The following ZBTB7C variants were observed in gnomAD, a reference collection of about 807,000 sequenced individuals.
ZBTB7C encodes the protein zinc finger and BTB domain containing 7C.
ZBTB7C carries 8 observed loss-of-function variants against 25.7 expected under a neutral mutation model. That is an observed-to-expected ratio of 0.31 (90% CI 0.18 to 0.56). The LOEUF (loss-of-function observed/expected upper bound fraction) is 0.56, where lower values mean the gene tolerates loss of function less well. ZBTB7C is among the 20% of genes least tolerant of loss of function. The pLI is 0.91. For synonymous variants in ZBTB7C, 394 were observed against 369.0 expected, an observed-to-expected ratio of 1.07 and a Z score of -0.78; for missense variants, 824 against 855.2, an observed-to-expected ratio of 0.96 and a Z score of 0.46.
At chr18:48,115,336 C>A (rs929621162) in intron 3 of ZBTB7C, among the ~76,000 whole-genome samples, 1 of 152,186 alleles carries the variant, frequency 6.6e-6, no homozygotes, top group Admixed American at 6.5e-5. Context: ...GCAGGCTCCG[C>A]CTCCTGGGTT....
At chr18:48,294,078 T>C (rs992082130) in intron 2 of ZBTB7C, among the ~76,000 whole-genome samples, 2 of 152,230 alleles carry the variant, frequency 1.3e-5, no homozygotes, top group Non-Finnish European at 2.9e-5. Context: ...TTTACCTCCC[T>C]GGGGAAGGGC....
intron 1 of ZBTB7C, among the ~76,000 whole-genome samples, chr18:48,344,651 T>A (rs1035023907): frequency 1.3e-5 from 2 of 152,232 alleles, no homozygotes; most frequent in African/African-American, 4.8e-5. Flanking sequence ...GAACGCTTTA[T>A]GAAATTATGA....
chr18:48,359,660 C>T (rs112621132), intron 1 of ZBTB7C, among the ~76,000 whole-genome samples: 2 of 152,158 alleles, frequency 1.3e-5, no homozygotes, highest in African/African-American at 2.4e-5. Context: ...GTTAGTTCTG[C>T]GATGTCACTT....
At chr18:48,050,681 C>G (rs1418448349) in intron 3 of ZBTB7C, among the ~76,000 whole-genome samples, 3 of 152,180 alleles carry the variant, frequency 2.0e-5, no homozygotes, top group African/African-American at 7.2e-5. Flanking sequence ...CAAGCAAGGG[C>G]CCAGAAGAGG....
intron 3 of ZBTB7C, among the ~76,000 whole-genome samples, chr18:48,078,440 C>A (rs904173196): frequency 6.6e-6 from 1 of 152,178 alleles, no homozygotes; most frequent in African/African-American, 2.4e-5. Context: ...GCAGGGTACC[C>A]TCAACCTTGG....
chr18:48,384,616 C>A (rs1489166), intron 1 of ZBTB7C, among the ~76,000 whole-genome samples: 1 of 152,068 alleles, frequency 6.6e-6, no homozygotes, highest in South Asian at 2.1e-4. Context: ...TTTCTTAAAA[C>A]GTGATTTTAT....
At chr18:48,325,594 T>C (rs2046199330) in intron 2 of ZBTB7C, among the ~76,000 whole-genome samples, 1 of 152,320 alleles carries the variant, frequency 6.6e-6, no homozygotes. Context: ...TGATTTCACA[T>C]TGAAGAAAGT....
intron 1 of ZBTB7C, among the ~76,000 whole-genome samples, chr18:48,393,771 C>T (rs1046725146): frequency 1.3e-5 from 2 of 152,078 alleles, no homozygotes; most frequent in Non-Finnish European, 2.9e-5. Context: ...AATCATCAAC[C>T]TCAGGCACCA....
chr18:48,073,044 A>G (rs1488374164), intron 3 of ZBTB7C, among the ~76,000 whole-genome samples: 1 of 152,202 alleles, frequency 6.6e-6, no homozygotes, highest in African/African-American at 2.4e-5. Context: ...GGGCGGAGGA[A>G]CTTCCTGACA....
chr18:48,374,889 C>G (rs929750505), intron 1 of ZBTB7C, among the ~76,000 whole-genome samples: 1 of 152,254 alleles, frequency 6.6e-6, no homozygotes, highest in African/African-American at 2.4e-5. Flanking sequence ...CCCCGGCAGA[C>G]AGCCGGCAGG....
intron 3 of ZBTB7C, among the ~76,000 whole-genome samples, chr18:48,090,927 G>T (rs1325105503): frequency 6.6e-6 from 1 of 151,910 alleles, no homozygotes; most frequent in East Asian, 1.9e-4. Context: ...CTTCTCTCTC[G>T]AACAGAACTG....
intron 1 of ZBTB7C, among the ~76,000 whole-genome samples, chr18:48,366,853 C>G (rs2047232527): frequency 6.6e-6 from 1 of 152,012 alleles, no homozygotes; most frequent in African/African-American, 2.4e-5. Flanking sequence ...AGTGCCACTA[C>G]CATATATGTG....
Position 48,035,410 on chromosome 18 carries a change from G to C in ZBTB7C, c.1208+4490C>G, listed in dbSNP as rs8089552. On this transcript the variant is annotated intron_variant, in intron 4 of 4. Coordinates refer to ENST00000590800, the MANE Select transcript of ZBTB7C (RefSeq NM_001318841.2). ...CATCTCTGGGAGCCAGGCTGTGACA[G>C]GATGCAGGGGCTCCAGGAGGGAGAC... Among the ~76,000 whole-genome samples, 166 of 152,366 alleles carry C rather than the reference G, an allele frequency of 1.1e-3. 2 individuals are homozygous for C. The highest frequency in any genetic ancestry group is 3.7e-3 in the African/African-American group (154 of 41,598).
chr18:48,126,191 A>T (rs2039793559), intron 3 of ZBTB7C, among the ~76,000 whole-genome samples: 1 of 152,172 alleles, frequency 6.6e-6, no homozygotes, highest in South Asian at 2.1e-4. Flanking sequence ...GTCTCTGGTA[A>T]TAATTACTTT....
intron 2 of ZBTB7C, among the ~76,000 whole-genome samples, chr18:48,276,745 A>C (rs577399274): frequency 1.2e-5 from 1 of 82,380 alleles, no homozygotes; most frequent in African/African-American, 4.9e-5. Context: ...ATTGTGAATA[A>C]TGCCGCAATA....
At chr18:48,113,765 A>G (rs1395165851) in intron 3 of ZBTB7C, among the ~76,000 whole-genome samples, 1 of 152,264 alleles carries the variant, frequency 6.6e-6, no homozygotes, top group Non-Finnish European at 1.5e-5. Context: ...CCCAGCTATT[A>G]TCAGTGACAA....
chr18:48,233,510 T>G (rs1461174325), intron 2 of ZBTB7C, among the ~76,000 whole-genome samples: 1 of 152,156 alleles, frequency 6.6e-6, no homozygotes, highest in Admixed American at 6.5e-5. Flanking sequence ...GGAAGACCGG[T>G]GAGCTGGAAT....
intron 2 of ZBTB7C, among the ~76,000 whole-genome samples, chr18:48,191,327 C>T (rs1046258009): frequency 1.5e-4 from 23 of 152,240 alleles, no homozygotes; most frequent in Admixed American, 1.2e-3. Context: ...CTGGCCCTGC[C>T]ATCGACCAGC....
chr18:48,083,735 G>A, intron 3 of ZBTB7C: 1 of 743,948 alleles, frequency 1.3e-6, no homozygotes. Context: ...TTAAAAAAAT[G>A]AAATTAAAGA....
Sources: allele counts gnomAD v4.1 joint callset (sites outside exome capture counted in the v4.1 genomes callset), GRCh38; gene constraint gnomAD v4.1.1; transcripts MANE v1.5; gene names NCBI Gene and HGNC (gene_info 2026-07-23, HGNC 2026-07-21).